RUSC1: variants seen among roughly 807,000 people sequenced by gnomAD.
RUSC1 encodes AP-4 complex accessory subunit RUSC1.
RUSC1 carries 40 observed loss-of-function variants against 72.1 expected under a neutral mutation model. The observed-to-expected ratio is 0.55, with a 90% CI of 0.43 to 0.72. RUSC1 has a LOEUF of 0.72. Among genes scored for constraint, RUSC1 ranks in the 30% least tolerant of loss-of-function variants. The probability of loss-of-function intolerance (pLI) is 0.00; values close to 1 mark genes in which losing one functional copy is unlikely to be tolerated. For missense variants in RUSC1, 1,092 were observed against 1,172.3 expected (o/e 0.93, Z 1.00); for synonymous variants, 512 against 494.2 (o/e 1.04, Z -0.48).
Position 155,325,968 on chromosome 1 carries a change from G to T in RUSC1, c.1861+58G>T. 11 of 1,550,156 alleles carry T rather than the reference G, an allele frequency of 7.1e-6. No individual in the cohort carries two copies. Among genetic ancestry groups the T allele is most frequent in the Non-Finnish European group, 9.8e-6 (11 of 1,121,966 alleles). ...ATGGGCTGGGAGGATGGGAAGGAAA[G>T]AGTTCTCTCCTGCTGGTTCCCACTG... On this transcript the variant is annotated intron_variant, in intron 7 of 9. Coordinates refer to ENST00000368352, the MANE Select transcript of RUSC1 (RefSeq NM_001105203.2). The surrounding 1 kb of genome is among the most constrained non-coding windows in gnomAD (Gnocchi z 6.5).
chr1:155,325,978 C>G lies in RUSC1; in HGVS notation c.1861+68C>G. On this transcript the variant is annotated intron_variant, in intron 7 of 9. Coordinates refer to ENST00000368352, the MANE Select transcript of RUSC1 (RefSeq NM_001105203.2). This position sits in a 1 kb window ranked among gnomAD's most constrained non-coding sequence, Gnocchi z 6.5. ...AGGATGGGAAGGAAAGAGTTCTCTC[C>G]TGCTGGTTCCCACTGCTGCCAGAAT... is the stretch of plus-strand genomic sequence containing the variant. 6.7e-7 allele frequency: 1 copy of G among 1,486,476 alleles called. No homozygotes were observed. The highest frequency in any genetic ancestry group is 1.1e-5 in the South Asian group (1 of 88,504). The allele number at this position is 1,486,476 out of a possible 1,614,324, so 92.1% of individuals were successfully genotyped here.
In RUSC1 at chr1:155,326,056, G is replaced by T; in HGVS notation, c.1861+146G>T. The T allele has an allele frequency of 1.1e-6, 1 of 888,892 alleles. No homozygotes were observed. 55.1% of individuals were successfully genotyped at this position (888,892 alleles called of 1,614,324 possible). ...TACTCTTCTAATTAAAACTTTCTAA[G>T]GAGGCCCATCGCCCATAGGATGAAA... On this transcript the variant is annotated intron_variant, in intron 7 of 9. Transcript: ENST00000368352. This position sits in a 1 kb window ranked among gnomAD's most constrained non-coding sequence, Gnocchi z 4.7.
intron 9 of RUSC1, 100 bp downstream of exon 9, chr1:155,328,375 C>G: frequency 2.4e-6 from 3 of 1,273,504 alleles, no homozygotes; most frequent in Non-Finnish European, 3.2e-6. Flanking sequence ...AAAATAAGAC[C>G]GTGCTTAGTG....
In RUSC1 at chr1:155,327,022, G is replaced by C. The variant is rs374642508; in HGVS notation, c.2304G>C (p.Glu768Asp). 72 of 1,613,404 alleles carry C rather than the reference G, an allele frequency of 4.5e-5. No individual in the cohort carries two copies. The highest frequency in any genetic ancestry group is 5.9e-5 in the Non-Finnish European group (70 of 1,180,040). ...HGTAAEEGAQERPLPTDEMAP... is the reference protein window; with the variant it reads ...HGTAAEEGAQDRPLPTDEMAP... ...CTGCAGCTGAAGAAGGTGCACAGGA[G>C]AGACCCCTGCCCACAGATGAGATGG... Residue 768 changes from glutamate to aspartate, a missense_variant, in exon 8 of 10, where the codon GAG (glutamate) becomes GAC (aspartate). Physicochemically the swap from Glu to Asp is conservative, Grantham distance 45. Coordinates refer to ENST00000368352, the MANE Select transcript of RUSC1 (RefSeq NM_001105203.2).
In RUSC1 at chr1:155,321,502, C is replaced by A. The variant is rs375586893; in HGVS notation, c.-86-186C>A. 3.5e-4 allele frequency: 513 copies of A among 1,471,382 alleles called. 6 individuals carry two copies. The highest frequency in any genetic ancestry group is 2.4e-4 in the Middle Eastern group (1 of 4,140). The allele number at this position is 1,471,382 out of a possible 1,614,324, so 91.1% of individuals were successfully genotyped here. On this transcript the variant is annotated intron_variant, in intron 1 of 9. Transcript: ENST00000368352. ...TCCCGGCTCCATTCCCGGGGGGTTA[C>A]ATTCGACTCCATCTGCAAACACTGC...
Position 155,325,516 on chromosome 1 carries a change from G to A in RUSC1, c.1708+26G>A, listed in dbSNP as rs1248895636. On this transcript the variant is annotated intron_variant, in intron 5 of 9. Coordinates refer to ENST00000368352, the MANE Select transcript of RUSC1 (RefSeq NM_001105203.2). This position sits in a 1 kb window ranked among gnomAD's most constrained non-coding sequence, Gnocchi z 6.5. ...GTGAGCCAGGAGGGCGTGGGACCCG[G>A]CAGTGCGCAGGGCAGGGCCGGGCTT... 1.2e-6 allele frequency: 2 copies of A among 1,602,638 alleles called. No homozygotes were observed. Among genetic ancestry groups the A allele is most frequent in the African/African-American group, 1.3e-5 (1 of 74,972 alleles).
At position 155,330,418 on chromosome 1, in the gene RUSC1, C is replaced by T. The variant is rs147951352; in HGVS notation, c.2556C>T (p.Leu852=). 76 of 1,612,758 alleles carry T rather than the reference C, an allele frequency of 4.7e-5. No homozygotes were observed. The highest frequency in any genetic ancestry group is 6.4e-5 in the Non-Finnish European group (75 of 1,180,046). ...MVQTHRAVRA[L]CDHTAARPDQ... is the part of the protein sequence containing the mutation. ...CTCCCCTCAGGGCAGTGCGGGCTCT[C>T]TGTGATCACACTGCTGCAAGACCTG... The change falls in exon 10 of 10, where the codon CTC becomes CTT. Residue 852 remains leucine (L), a synonymous_variant. Coordinates refer to ENST00000368352, the MANE Select transcript of RUSC1 (RefSeq NM_001105203.2).
At chr1:155,330,374 T>A in intron 9 of RUSC1, 29 bp from the exon 10 acceptor site, 1 of 1,611,892 alleles carries the variant, frequency 6.2e-7, no homozygotes. Context: ...CCTCACCTCA[T>A]CCCAGTATCT....
At chr1:155,321,172 G>C in intron 1 of RUSC1, 181 bp downstream of exon 1, 1 of 1,372,912 alleles carries the variant, frequency 7.3e-7, no homozygotes, top group Non-Finnish European at 9.7e-7. Flanking sequence ...CTGGAGCCCG[G>C]CCGAGGCAGC....
At position 155,326,925 on chromosome 1, in the gene RUSC1, C is replaced by A. The variant is rs535731564; in HGVS notation, c.2207C>A (p.Ala736Asp). The change falls in exon 8 of 10, where the codon GCC becomes GAC. Residue 736 changes from alanine to aspartate, a missense_variant. Coordinates refer to ENST00000368352, the MANE Select transcript of RUSC1 (RefSeq NM_001105203.2). This position sits in a 1 kb window ranked among gnomAD's most constrained non-coding sequence, Gnocchi z 4.7. ...AGCTGGTGGGAGCAGTTGACCCAGG[C>A]CTCCCGGGTCTATGCCTCTGGGGGC... Reference protein sequence around the residue: ...PGSWWEQLTQASRVYASGGTE... With the variant: ...PGSWWEQLTQDSRVYASGGTE... The A allele has an allele frequency of 7.6e-5, 123 of 1,613,708 alleles. 4 individuals carry two copies. In the South Asian group the frequency reaches 1.1e-3, roughly 14 times the overall value.
rs1474072199 is a variant in RUSC1, at chr1:155,326,275, CG to C, written c.1862-303del. On this transcript the variant is annotated intron_variant, in intron 7 of 9. Coordinates refer to ENST00000368352, the MANE Select transcript of RUSC1 (RefSeq NM_001105203.2). The surrounding 1 kb of genome is among the most constrained non-coding windows in gnomAD (Gnocchi z 4.7). ...CCCAGTGAGGCCCTACCTCTACCCT[CG>C]GACTAGGCCAACCCCCACGCCTCAT... The C allele has an allele frequency of 1.8e-6, 1 of 544,784 alleles. No individual in the cohort carries two copies. Among genetic ancestry groups the C allele is most frequent in the African/African-American group, 1.9e-5 (1 of 52,974 alleles). 33.7% of individuals were successfully genotyped at this position (544,784 alleles called of 1,614,324 possible).
intron 9 of RUSC1, 129 bp from the exon 10 acceptor site, chr1:155,330,274 C>G (rs1250554122): frequency 4.5e-6 from 4 of 894,658 alleles, no homozygotes; most frequent in Non-Finnish European, 6.8e-6. Flanking sequence ...GAATGGTTCT[C>G]AAGTCCTTCC....
In RUSC1 at chr1:155,321,991, G is replaced by A; in HGVS notation, c.218G>A (p.Cys73Tyr). 1 of 1,599,996 alleles carries A rather than the reference G, an allele frequency of 6.3e-7. No individual in the cohort carries two copies. The highest frequency in any genetic ancestry group is 8.5e-7 in the Non-Finnish European group (1 of 1,172,144). Residue 73 changes from cysteine to tyrosine, a missense_variant, in exon 2 of 10, where the codon TGC becomes TAC. Physicochemically the swap from Cys to Tyr is radical, Grantham distance 194. Transcript: ENST00000368352. Reference protein sequence around the residue: ...NSNSPAVPCRCCQEHGPGLEN... With the variant: ...NSNSPAVPCRYCQEHGPGLEN... ...AACAGCCCAGCTGTGCCCTGCCGGTGCTGCCAGGAGCACGGTCCGGGCCTA... is the reference window on the plus strand; with the variant it reads ...AACAGCCCAGCTGTGCCCTGCCGGTACTGCCAGGAGCACGGTCCGGGCCTA...
intron 2 of RUSC1, 55 bp downstream of exon 2, chr1:155,323,185 T>A: frequency 7.2e-6 from 10 of 1,387,448 alleles, no homozygotes; most frequent in Non-Finnish European, 9.3e-6. Context: ...TCACGCCTCC[T>A]AGGCTTCCAA....
rs1651326366 is a variant in RUSC1 at position 155,325,806 on chromosome 1, C to T, written c.1815-58C>T. The T allele has an allele frequency of 1.3e-6, 2 of 1,599,814 alleles. No homozygotes were observed. Among genetic ancestry groups the T allele is most frequent in the South Asian group, 1.1e-5 (1 of 90,736 alleles). The stretch of plus-strand genomic sequence containing the variant: ...CCAATCTCATCTCCCATCCTCCACC[C>T]AGAGAGGACTGGAGTCCTCCACCTC... On this transcript the variant is annotated intron_variant, in intron 6 of 9. Transcript: ENST00000368352. The surrounding 1 kb of genome is among the most constrained non-coding windows in gnomAD (Gnocchi z 6.5).
chr1:155,324,428 C>A, intron 2 of RUSC1: 1 of 1,613,172 alleles, frequency 6.2e-7, no homozygotes, highest in Non-Finnish European at 8.5e-7. Context: ...ATGCCGCCCA[C>A]GTGCTCCCCG....
Position 155,320,898 on chromosome 1 carries a change from T to C in RUSC1, c.-180T>C. 2 of 1,595,986 alleles carry C rather than the reference T, an allele frequency of 1.3e-6. No individual in the cohort carries two copies. Among genetic ancestry groups the C allele is most frequent in the Non-Finnish European group, 1.7e-6 (2 of 1,171,604 alleles). Reference sequence around the variant, plus strand: ...CTGCGCAGCGCAGGGTAGGTTGTGCTAGTGCCCCTCCCCTCCCGCTCTGTG... The same window carrying C: ...CTGCGCAGCGCAGGGTAGGTTGTGCCAGTGCCCCTCCCCTCCCGCTCTGTG... On this transcript the variant is annotated 5_prime_UTR_variant, in exon 1 of 10. Transcript: ENST00000368352.
rs775556989 is a variant in RUSC1 at position 155,325,129 on chromosome 1, T to C, written c.1484T>C (p.Val495Ala). Residue 495 changes from valine to alanine, a missense_variant, in exon 4 of 10, where the codon GTT becomes GCT. Val to Ala is a moderately conservative substitution (Grantham distance 64, BLOSUM62 0). Transcript: ENST00000368352. The surrounding 1 kb of genome is among the most constrained non-coding windows in gnomAD (Gnocchi z 6.5). ...CTTCTGATAGCCGTCAGCGTCTCCG[T>C]TGATAAAATCATCTCGCATTTCGGG... is the stretch of plus-strand genomic sequence containing the variant. The part of the protein sequence containing the change: ...KGLLIAVSVS[V>A]DKIISHFGAA... 10 of 1,614,250 alleles carry C rather than the reference T, an allele frequency of 6.2e-6. No individual in the cohort carries two copies. The highest frequency in any genetic ancestry group is 8.5e-6 in the Non-Finnish European group (10 of 1,180,044).
Position 155,326,872 on chromosome 1 carries a change from T to C in RUSC1, c.2154T>C (p.Ser718=), listed in dbSNP as rs1570909233. The change falls in exon 8 of 10, where the codon TCT becomes TCC. Residue 718 remains serine, a synonymous_variant. Coordinates refer to ENST00000368352, the MANE Select transcript of RUSC1 (RefSeq NM_001105203.2). The surrounding 1 kb of genome is among the most constrained non-coding windows in gnomAD (Gnocchi z 4.7). ...GTSKEAASDP[S]DSPNLPTPGS... is the part of the protein sequence containing the mutation. ...CCAAGGAAGCTGCTTCAGACCCCTC[T>C]GACTCTCCAAACCTTCCCACACCAG... The C allele has an allele frequency of 2.5e-6, 4 of 1,613,752 alleles. No individual in the cohort carries two copies. The East Asian group carries it at 8.9e-5, about 36-fold the overall frequency.
Sources: allele counts gnomAD v4.1 joint callset, GRCh38; gene constraint gnomAD v4.1.1; non-coding constraint Gnocchi (gnomAD v3.1); transcripts MANE v1.5; gene names NCBI Gene and HGNC (gene_info 2026-07-23, HGNC 2026-07-21).